The following ZMAT5 variants were observed in gnomAD, a reference collection of about 807,000 sequenced individuals.
ZMAT5 encodes zinc finger matrin-type protein 5.
In ZMAT5, 23 loss-of-function variants were observed where a neutral mutation model predicts 28.0. That is an observed-to-expected ratio of 0.82 (90% confidence interval 0.59 to 1.16). The LOEUF (loss-of-function observed/expected upper bound fraction) is 1.16. ZMAT5 is among the 50% of genes most tolerant of loss of function. The pLI, the probability that ZMAT5 is intolerant of heterozygous loss-of-function variation, is 0.00. For missense variants in ZMAT5, 173 were observed against 212.7 expected, an observed-to-expected ratio of 0.81 and a Z score of 1.16; for synonymous variants, 76 against 84.1, an observed-to-expected ratio of 0.90 and a Z score of 0.52.
intron 2 of ZMAT5, chr22:29,748,092 C>A (rs2068025100): frequency 2.6e-6 from 1 of 381,634 alleles, no homozygotes; most frequent in African/African-American, 2.1e-5. Context: ...TCCGAGAGCC[C>A]TGGTGCTGGA....
intron 5 of ZMAT5, among the ~76,000 whole-genome samples, chr22:29,734,275 G>A (rs1379788548): frequency 6.6e-6 from 1 of 152,176 alleles, no homozygotes; most frequent in African/African-American, 2.4e-5. Flanking sequence ...GGGGCTTCAT[G>A]GACCCCCACT....
intron 3 of ZMAT5, 76 bp downstream of exon 3, chr22:29,742,342 C>G: frequency 6.7e-7 from 1 of 1,491,776 alleles, no homozygotes; most frequent in Non-Finnish European, 9.3e-7. Flanking sequence ...GGGGAAGACA[C>G]TCTGCAGAGG....
intron 1 of ZMAT5, among the ~76,000 whole-genome samples, chr22:29,763,321 A>AATAAATAAATAAATAG (rs131288): frequency 6.1e-5 from 9 of 148,420 alleles, no homozygotes; most frequent in Non-Finnish European, 1.2e-4. Context: ...TAAATAAATA[A>AATAAATAAATAAATAG]GGCCAGGTGC....
chr22:29,748,376 A>G, intron 2 of ZMAT5, 42 bp downstream of exon 2: 3 of 1,613,850 alleles, frequency 1.9e-6, no homozygotes, highest in Admixed American at 1.7e-5. Flanking sequence ...AAGATCAGAG[A>G]GCAGGGCTCC....
chr22:29,756,772 G>A (rs771598799), intron 1 of ZMAT5, among the ~76,000 whole-genome samples: 7 of 152,070 alleles, frequency 4.6e-5, no homozygotes, highest in Non-Finnish European at 8.8e-5. Flanking sequence ...ATTTGACCAG[G>A]CATGGTGGCG....
At chr22:29,754,669 G>T (rs576876016) in intron 1 of ZMAT5, among the ~76,000 whole-genome samples, 1 of 152,044 alleles carries the variant, frequency 6.6e-6, no homozygotes, top group Non-Finnish European at 1.5e-5. Flanking sequence ...CCAGGAGCTC[G>T]AGACCAGCCT....
intron 5 of ZMAT5, among the ~76,000 whole-genome samples, chr22:29,733,929 C>T (rs988084661): frequency 4.6e-5 from 7 of 152,222 alleles, no homozygotes; most frequent in Middle Eastern, 3.2e-3. Flanking sequence ...CATTGAGGTG[C>T]GTGTCTGGCA....
intron 2 of ZMAT5, among the ~76,000 whole-genome samples, chr22:29,745,845 C>A (rs1019603169): frequency 6.6e-6 from 1 of 152,218 alleles, no homozygotes; most frequent in Non-Finnish European, 1.5e-5. Flanking sequence ...CAAGTCCCTG[C>A]GGTTGCTCAG....
chr22:29,755,765 C>T (rs16988005), intron 1 of ZMAT5, among the ~76,000 whole-genome samples: 9,003 of 152,190 alleles, frequency 0.059, 905 homozygotes, highest in African/African-American at 0.21. Flanking sequence ...ATAACAACCA[C>T]GTCTCATCAT....
At chr22:29,761,639 T>C (rs1241363587) in intron 1 of ZMAT5, among the ~76,000 whole-genome samples, 1 of 152,128 alleles carries the variant, frequency 6.6e-6, no homozygotes, top group Non-Finnish European at 1.5e-5. Context: ...CTAGGTTATG[T>C]GCTCCTTATG....
At chr22:29,739,138 G>C (rs1464980257) in intron 4 of ZMAT5, among the ~76,000 whole-genome samples, 3 of 152,216 alleles carry the variant, frequency 2.0e-5, no homozygotes, top group Admixed American at 1.3e-4. Flanking sequence ...CTTTGACCCT[G>C]GGCAGGGTAA....
intron 2 of ZMAT5, among the ~76,000 whole-genome samples, chr22:29,744,044 T>C (rs933922805): frequency 2.6e-5 from 4 of 152,188 alleles, no homozygotes; most frequent in South Asian, 4.1e-4. Context: ...AATGGGAGGA[T>C]AGTTCCCACC....
At chr22:29,745,733 T>C (rs1601721887) in intron 2 of ZMAT5, among the ~76,000 whole-genome samples, 1 of 152,254 alleles carries the variant, frequency 6.6e-6, no homozygotes, top group African/African-American at 2.4e-5. Context: ...CACCTGACCA[T>C]GGCGGATGGA....
chr22:29,746,162 T>G (rs2068007315), intron 2 of ZMAT5: 1 of 151,982 alleles, frequency 6.6e-6, no homozygotes, highest in Admixed American at 6.6e-5. Flanking sequence ...TGTTTTTATT[T>G]TTTTGAGATG....
At chr22:29,738,304 C>T (rs374054323) in intron 5 of ZMAT5, 26 bp downstream of exon 5, 26 of 1,599,424 alleles carry the variant, frequency 1.6e-5, no homozygotes, top group Admixed American at 3.3e-5. Flanking sequence ...GGGGGCACAG[C>T]GGGAGGGAAC....
intron 1 of ZMAT5, among the ~76,000 whole-genome samples, chr22:29,750,139 C>T (rs1398615575): frequency 6.6e-6 from 1 of 152,204 alleles, no homozygotes; most frequent in African/African-American, 2.4e-5. Context: ...AAATAGTGCA[C>T]AGTACAGAGT....
chr22:29,760,375 C>CAAAAAAAA (rs131280), intron 1 of ZMAT5, among the ~76,000 whole-genome samples: 1 of 98,510 alleles, frequency 1.0e-5, no homozygotes. Context: ...TCCTCTGTCT[C>CAAAAAAAA]AAAAAAAAAA....
chr22:29,732,019 C>T (rs1601711798), intron 5 of ZMAT5, among the ~76,000 whole-genome samples: 1 of 152,322 alleles, frequency 6.6e-6, no homozygotes, highest in East Asian at 1.9e-4. Context: ...CCCGAGCCAC[C>T]TCCCCTGGAA....
chr22:29,742,081 C>T (rs1361351301), intron 3 of ZMAT5, among the ~76,000 whole-genome samples: 2 of 152,176 alleles, frequency 1.3e-5, no homozygotes. Flanking sequence ...TGAAGTTCTG[C>T]CTGCTGGGAA....
Sources: allele counts gnomAD v4.1 joint callset (sites outside exome capture counted in the v4.1 genomes callset), GRCh38; gene constraint gnomAD v4.1.1; transcripts MANE v1.5; gene names NCBI Gene and HGNC (gene_info 2026-07-23, HGNC 2026-07-21).